The following SLCO1B3 variants were observed in gnomAD, a reference collection of about 807,000 sequenced individuals.
The protein encoded by SLCO1B3 is liver-specific organic anion transporter 2.
SLCO1B3 carries 72 observed loss-of-function variants against 71.8 expected under a neutral mutation model. The observed-to-expected ratio is 1.00, with a 90% CI of 0.83 to 1.22. The LOEUF (loss-of-function observed/expected upper bound fraction) is 1.22, where lower values mean the gene tolerates loss of function less well. SLCO1B3 is among the 50% of genes most tolerant of loss of function. SLCO1B3 has a pLI of 0.00. For synonymous variants in SLCO1B3, 298 were observed against 278.4 expected, an observed-to-expected ratio of 1.07 and a Z score of -0.70; for missense variants, 911 against 819.7, an observed-to-expected ratio of 1.11 and a Z score of -1.36.
chr12:20,838,138 A>AT (rs1377633140), intron 3 of SLCO1B3, among the ~76,000 whole-genome samples: 3 of 145,710 alleles, frequency 2.1e-5, no homozygotes, highest in Non-Finnish European at 3.0e-5. Context: ...TTTAAATTTT[A>AT]TTATTATTAT....
intron 3 of SLCO1B3, among the ~76,000 whole-genome samples, chr12:20,826,833 T>C (rs1565579260): frequency 6.6e-6 from 1 of 152,080 alleles, no homozygotes; most frequent in Non-Finnish European, 1.5e-5. Flanking sequence ...ACTTTAGCCT[T>C]TGTATTAGAC....
chr12:20,899,411 A>G (rs568256900), intron 14 of SLCO1B3, among the ~76,000 whole-genome samples: 4 of 152,286 alleles, frequency 2.6e-5, no homozygotes, highest in African/African-American at 9.6e-5. Context: ...AGGAAGTGGG[A>G]GGGGTCAGTT....
intron 15 of SLCO1B3, among the ~76,000 whole-genome samples, chr12:20,910,963 C>T (rs548340298): frequency 9.9e-5 from 15 of 151,434 alleles, no homozygotes; most frequent in Non-Finnish European, 2.1e-4. Flanking sequence ...TTTTTAATCA[C>T]ATGGACTTTC....
chr12:20,879,206 T>TTTTC (rs1555158451), intron 10 of SLCO1B3, among the ~76,000 whole-genome samples: 1 of 10,600 alleles, frequency 9.4e-5, no homozygotes, highest in East Asian at 8.8e-4. Context: ...CCCTTCTCTC[T>TTTTC]TTTTTTTTTT....
intron 8 of SLCO1B3, among the ~76,000 whole-genome samples, chr12:20,867,768 C>A (rs1381126086): frequency 2.6e-5 from 4 of 152,100 alleles, no homozygotes; most frequent in Non-Finnish European, 1.5e-5. Context: ...GATAAAGTAA[C>A]AAAGTCAAAT....
chr12:20,878,312 T>G (rs560550129), intron 10 of SLCO1B3, among the ~76,000 whole-genome samples: 2 of 152,256 alleles, frequency 1.3e-5, no homozygotes, highest in South Asian at 4.1e-4. Context: ...ATTCATGGAC[T>G]GAAATAAGGC....
rs144843457 is a variant in SLCO1B3, at chr12:20,871,968, A to G, written c.728-3267A>G. On this transcript the variant is annotated intron_variant, in intron 8 of 15. Coordinates refer to ENST00000381545, the MANE Select transcript of SLCO1B3 (RefSeq NM_019844.4). ...AGGTTTGTATCCTTCCCTTCAATGCAGTGAGTTCCTCTAGGCCTCAGGCTG... is the reference window on the plus strand; with the variant it reads ...AGGTTTGTATCCTTCCCTTCAATGCGGTGAGTTCCTCTAGGCCTCAGGCTG... Among the ~76,000 whole-genome samples the G allele has an allele frequency of 2.3e-3, 356 of 152,292 alleles. 1 individual carries two copies. Among genetic ancestry groups the G allele is most frequent in the African/African-American group, 8.2e-3 (342 of 41,584 alleles).
chr12:20,885,469 T>C (rs896504841), intron 13 of SLCO1B3, among the ~76,000 whole-genome samples: 1 of 151,466 alleles, frequency 6.6e-6, no homozygotes, highest in Non-Finnish European at 1.5e-5. Context: ...AATAAACAAA[T>C]AAGCAAGTAA....
At chr12:20,848,589 C>A (rs897122383) in intron 3 of SLCO1B3, among the ~76,000 whole-genome samples, 1 of 152,186 alleles carries the variant, frequency 6.6e-6, no homozygotes, top group African/African-American at 2.4e-5. Flanking sequence ...ACCAAGATAT[C>A]TTTCAATAGG....
chr12:20,895,252 C>G (rs1266482012), intron 13 of SLCO1B3, among the ~76,000 whole-genome samples: 1 of 152,138 alleles, frequency 6.6e-6, no homozygotes, highest in Non-Finnish European at 1.5e-5. Flanking sequence ...CAACAGTCCC[C>G]CAGAATCTTA....
chr12:20,908,200 T>G (rs968352392), intron 15 of SLCO1B3, among the ~76,000 whole-genome samples: 5 of 152,194 alleles, frequency 3.3e-5, no homozygotes, highest in Non-Finnish European at 7.3e-5. Flanking sequence ...AATAATTACC[T>G]TATGATTTTT....
intron 15 of SLCO1B3, 22 bp from the exon 16 acceptor site, chr12:20,915,982 T>A (rs746078019): frequency 4.6e-5 from 72 of 1,549,330 alleles, no homozygotes; most frequent in Non-Finnish European, 6.1e-5. Context: ...AATAATCGAC[T>A]CTCTATTTTC....
intron 14 of SLCO1B3, 108 bp downstream of exon 14, chr12:20,898,608 G>A: frequency 2.0e-5 from 10 of 488,160 alleles, no homozygotes; most frequent in South Asian, 1.4e-4. Context: ...AAAAAGAATA[G>A]GTAAGAATCA....
At chr12:20,888,331 G>T (rs958126200) in intron 13 of SLCO1B3, among the ~76,000 whole-genome samples, 7 of 151,810 alleles carry the variant, frequency 4.6e-5, no homozygotes, top group Non-Finnish European at 8.8e-5. Context: ...ATTCATGAGC[G>T]TAGGATGTTT....
rs765610427 is a variant in SLCO1B3, at chr12:20,875,482, G to T, written c.970+5G>T. 3.8e-6 allele frequency: 6 copies of T among 1,593,728 alleles called. No homozygotes were observed. The highest frequency in any genetic ancestry group is 5.1e-6 in the Non-Finnish European group (6 of 1,175,618). On this transcript the variant is annotated splice_donor_5th_base_variant and intron_variant, in intron 9 of 15. Transcript: ENST00000381545. ...ATGTTACCAAAAATGTGACTGGTAG[G>T]TATTTGACATTCATTGTCAACTTGG...
chr12:20,901,478 G>T lies in SLCO1B3; in HGVS notation c.1865+11G>T. 7.4e-7 allele frequency: 1 copy of T among 1,344,386 alleles called. No homozygotes were observed. The highest frequency in any genetic ancestry group is 1.5e-5 in the African/African-American group (1 of 68,412). The allele number at this position is 1,344,386 out of a possible 1,614,324, so 83.3% of individuals were successfully genotyped here. A position where few individuals can be genotyped will look rare whatever the true frequency, so the allele number is the denominator to read the frequency against. ...TTCCGTATTTTTTGGGTAAGTTGTC[G>T]TAAACACATTTCATTAATAGATTTT... On this transcript the variant is annotated intron_variant, in intron 15 of 15. Transcript: ENST00000381545.
chr12:20,814,399 A>G (rs571699385), intron 2 of SLCO1B3, among the ~76,000 whole-genome samples: 5 of 152,288 alleles, frequency 3.3e-5, no homozygotes, highest in South Asian at 2.1e-4. Context: ...CTAATATGAA[A>G]TAATTAGATA....
At chr12:20,867,921 A>G (rs1034310924) in intron 8 of SLCO1B3, among the ~76,000 whole-genome samples, 4 of 151,866 alleles carry the variant, frequency 2.6e-5, no homozygotes, top group African/African-American at 7.3e-5. Flanking sequence ...CTCTGCCTCT[A>G]CTACCCTAGA....
chr12:20,813,665 A>G (rs753389367), intron 2 of SLCO1B3, 27 bp downstream of exon 2: 1 of 152,208 alleles, frequency 6.6e-6, no homozygotes, highest in Non-Finnish European at 1.5e-5. Context: ...CATGAACTAC[A>G]GTGCTATTGG....
Sources: gnomAD v4.1 joint callset for allele counts (sites outside exome capture counted in the v4.1 genomes callset) on GRCh38, gnomAD v4.1.1 for gene constraint, MANE v1.5 for transcripts, NCBI Gene and HGNC (gene_info 2026-07-23, HGNC 2026-07-21) for gene names.